The following CLCN5 variants were observed in gnomAD, a reference collection of about 807,000 sequenced individuals.
The protein encoded by CLCN5 is H(+)/Cl(-) exchange transporter 5.
Under a neutral mutation model 54.0 loss-of-function variants are expected in CLCN5, and 17 were observed. The observed-to-expected ratio is 0.31, with a 90% confidence interval of 0.22 to 0.47. CLCN5 has a LOEUF of 0.47. Ranked by LOEUF, CLCN5 falls within the 20% of genes least tolerant of loss-of-function variation. The pLI, the probability that CLCN5 is intolerant of heterozygous loss-of-function variation, is 1.00. For missense variants in CLCN5, 448 were observed against 646.7 expected, an observed-to-expected ratio of 0.69 and a Z score of 3.33; for synonymous variants, 222 against 233.0, an observed-to-expected ratio of 0.95 and a Z score of 0.43.
At chrX:50,019,475 T>TTC (rs1281195701) in intron 3 of CLCN5, among the ~76,000 whole-genome samples, 3 of 93,814 alleles carry the variant, frequency 3.2e-5, no homozygotes, top group African/African-American at 1.2e-4. Context: ...TTTCTTTTTT[T>TTC]TTTTTTTTTT....
intron 4 of CLCN5, among the ~76,000 whole-genome samples, chrX:50,057,038 C>A (rs782270045): frequency 8.1e-5 from 9 of 111,220 alleles, no homozygotes; most frequent in Non-Finnish European, 1.5e-4. Context: ...TGAACAGGAA[C>A]CAAAGCAGTG....
intron 4 of CLCN5, chrX:50,067,429 C>A: frequency 6.5e-6 from 1 of 153,222 alleles, no homozygotes; most frequent in Non-Finnish European, 1.1e-5. Flanking sequence ...CCTGAGCTGA[C>A]CCGACTGCCC....
At chrX:50,063,187 A>G (rs1932890755) in intron 4 of CLCN5, among the ~76,000 whole-genome samples, 2 of 97,429 alleles carry the variant, frequency 2.1e-5, no homozygotes, top group South Asian at 1.0e-3. Flanking sequence ...ATAGAGACAC[A>G]AAAAACCCTT....
chrX:50,030,520 A>G (rs1022067296), intron 3 of CLCN5, among the ~76,000 whole-genome samples: 1 of 111,614 alleles, frequency 9.0e-6, no homozygotes, highest in African/African-American at 3.3e-5. Flanking sequence ...TTCCTTTTCT[A>G]TACGCATTCC....
intron 3 of CLCN5, chrX:50,013,105 G>A (rs1183494707): frequency 2.3e-5 from 5 of 215,499 alleles, no homozygotes; most frequent in South Asian, 1.1e-4. Context: ...TTCTCCAGGC[G>A]TGCACCTGAC....
intron 3 of CLCN5, among the ~76,000 whole-genome samples, chrX:49,964,750 T>A (rs967435757): frequency 1.8e-5 from 2 of 111,294 alleles, no homozygotes; most frequent in Non-Finnish European, 3.8e-5. Context: ...TTTATTTTTT[T>A]TATATATTAT....
chrX:50,014,943 C>T (rs1930711302), intron 3 of CLCN5, among the ~76,000 whole-genome samples: 1 of 111,554 alleles, frequency 9.0e-6, no homozygotes, highest in Non-Finnish European at 1.9e-5. Flanking sequence ...GGGCGGGAAC[C>T]AGAGCCTTCT....
intron 3 of CLCN5, chrX:50,008,951 G>C: frequency 2.6e-6 from 1 of 382,039 alleles, no homozygotes; most frequent in Non-Finnish European, 5.3e-6. Context: ...GAGCCTTCTT[G>C]TCTGCTCCCC....
intron 3 of CLCN5, among the ~76,000 whole-genome samples, chrX:49,927,484 A>G (rs1925407590): frequency 8.9e-6 from 1 of 111,937 alleles, no homozygotes; most frequent in Non-Finnish European, 1.9e-5. Flanking sequence ...GCAAAGTACG[A>G]TGATAGTTTG....
chrX:50,013,380 A>G (rs1557182981), intron 3 of CLCN5: 1 of 337,908 alleles, frequency 3.0e-6, no homozygotes, highest in South Asian at 2.9e-5. Context: ...TTTATTGCGC[A>G]CTTTTGATGT....
chrX:50,045,091 C>G (rs782763098), intron 4 of CLCN5, among the ~76,000 whole-genome samples: 3 of 111,110 alleles, frequency 2.7e-5, no homozygotes, highest in Non-Finnish European at 3.8e-5. Flanking sequence ...GGGAATAATA[C>G]TTTAGTTAGG....
intron 14 of CLCN5, among the ~76,000 whole-genome samples, chrX:50,091,544 A>G (rs1177184456): frequency 2.7e-5 from 3 of 112,261 alleles, no homozygotes; most frequent in Non-Finnish European, 5.6e-5. Context: ...GATTTAAATC[A>G]GTAAGGGGAG....
intron 3 of CLCN5, among the ~76,000 whole-genome samples, chrX:49,984,805 A>G (rs1557178108): frequency 9.1e-6 from 1 of 110,052 alleles, no homozygotes; most frequent in African/African-American, 3.3e-5. Flanking sequence ...TTTTGTAGAG[A>G]CGGGATCTCA....
intron 3 of CLCN5, 91 bp downstream of exon 3, chrX:49,925,405 G>C: frequency 2.3e-6 from 2 of 884,661 alleles, no homozygotes; most frequent in Non-Finnish European, 3.3e-6. Context: ...GCCAATGGCA[G>C]GCAGCCAGCT....
intron 3 of CLCN5, among the ~76,000 whole-genome samples, chrX:49,971,270 A>T (rs1359094989): frequency 9.6e-6 from 1 of 103,860 alleles, no homozygotes; most frequent in East Asian, 2.9e-4. Context: ...ATATTTTTAT[A>T]TATATTATTT....
At chrX:50,046,470 C>T (rs1483728855) in intron 4 of CLCN5, among the ~76,000 whole-genome samples, 1 of 111,740 alleles carries the variant, frequency 8.9e-6, no homozygotes, top group African/African-American at 3.3e-5. Flanking sequence ...GGTCCAGCAG[C>T]ATGAGAGAGC....
chrX:49,925,267 G>T lies in CLCN5; in HGVS notation c.-32G>T. 1 of 1,207,557 alleles carries T rather than the reference G, an allele frequency of 8.3e-7. No homozygotes were observed. The highest frequency in any genetic ancestry group is 1.1e-6 in the Non-Finnish European group (1 of 891,524). ...TGAGAGGCTCTGGGAAACTCAGCCT[G>T]TGACCCCAGCGTGGGTGAAGATAGG... On this transcript the variant is annotated 5_prime_UTR_variant, in exon 3 of 15. Coordinates refer to ENST00000376091, the MANE Select transcript of CLCN5 (RefSeq NM_001127898.4).
At chrX:50,013,164 CCTCT>C (rs782328041) in intron 3 of CLCN5, 12 of 260,118 alleles carry the variant, frequency 4.6e-5, no homozygotes, top group African/African-American at 2.7e-4. Context: ...CAATCTCTCT[CCTCT>C]CTCTCTCTTT....
chrX:49,985,418 A>G (rs906648845), intron 3 of CLCN5, among the ~76,000 whole-genome samples: 7 of 111,806 alleles, frequency 6.3e-5, no homozygotes, highest in African/African-American at 2.3e-4. Context: ...ACATTTTCCC[A>G]AATATTTTTA....
Sources: allele counts gnomAD v4.1 joint callset (sites outside exome capture counted in the v4.1 genomes callset), GRCh38; gene constraint gnomAD v4.1.1; transcripts MANE v1.5; gene names NCBI Gene and HGNC (gene_info 2026-07-23, HGNC 2026-07-21).